The following NXN variants were observed in gnomAD, a reference collection of about 807,000 sequenced individuals.
NXN encodes the protein nucleoredoxin, also known as nucleoredoxin 1.
In NXN, 16 loss-of-function variants were observed where a neutral mutation model predicts 48.6. That is an observed-to-expected ratio of 0.33 (90% CI 0.22 to 0.50). The LOEUF (loss-of-function observed/expected upper bound fraction) is 0.50, where lower values mean the gene tolerates loss of function less well. Among genes scored for constraint, NXN ranks in the 20% least tolerant of loss-of-function variants. The pLI is 0.98. For synonymous variants in NXN, 281 were observed against 269.6 expected, an observed-to-expected ratio of 1.04 and a Z score of -0.41; for missense variants, 492 against 605.5, an observed-to-expected ratio of 0.81 and a Z score of 1.97.
intron 5 of NXN, among the ~76,000 whole-genome samples, chr17:815,384 C>A (rs544104103): frequency 1.3e-4 from 19 of 151,846 alleles, no homozygotes; most frequent in African/African-American, 4.6e-4. Flanking sequence ...GAGGCACTCA[C>A]AGTTCAGCTG....
intron 1 of NXN, among the ~76,000 whole-genome samples, chr17:874,070 A>T (rs1302782101): frequency 6.6e-6 from 1 of 152,164 alleles, no homozygotes; most frequent in East Asian, 1.9e-4. Flanking sequence ...ATGGTCATTG[A>T]ATCATGGGAG....
intron 1 of NXN, among the ~76,000 whole-genome samples, chr17:841,433 G>GTCCCCCCGACCACGGCGCATCTCACACCC (rs1567827465): frequency 2.0e-5 from 1 of 51,216 alleles, no homozygotes; most frequent in African/African-American, 8.0e-5. Flanking sequence ...ATCTCACACG[G>GTCCCCCCGACCACGGCGCATCTCACACCC]GCGAGCAGGT....
chr17:886,365 G>A (rs753259608), intron 1 of NXN, among the ~76,000 whole-genome samples: 4 of 152,148 alleles, frequency 2.6e-5, no homozygotes, highest in Non-Finnish European at 4.4e-5. Flanking sequence ...TGCTCTTACC[G>A]AGCCAGAGGG....
chr17:801,566 C>T (rs914832887), intron 7 of NXN, among the ~76,000 whole-genome samples: 8 of 150,850 alleles, frequency 5.3e-5, no homozygotes, highest in African/African-American at 1.9e-4. Context: ...CTGCCTCAGC[C>T]TCCTGAGTAG....
intron 1 of NXN, among the ~76,000 whole-genome samples, chr17:855,831 C>T (rs1479232694): frequency 6.6e-6 from 1 of 152,086 alleles, no homozygotes; most frequent in Non-Finnish European, 1.5e-5. Context: ...CAATCAAAAC[C>T]AGCAGAAAAT....
chr17:880,794 T>C (rs1489371900), intron 1 of NXN, among the ~76,000 whole-genome samples: 1 of 152,098 alleles, frequency 6.6e-6, no homozygotes, highest in Non-Finnish European at 1.5e-5. Flanking sequence ...AGCTTCCTTT[T>C]GGCCAAAAGA....
chr17:843,219 G>A (rs757768152), intron 1 of NXN, among the ~76,000 whole-genome samples: 8 of 152,226 alleles, frequency 5.3e-5, no homozygotes, highest in Admixed American at 2.0e-4. Context: ...AATGACGCCC[G>A]TTGGCTGCTG....
At chr17:889,761 A>AAGAAAGAAAGAAAGAGAAAG (rs1555619043) in intron 1 of NXN, among the ~76,000 whole-genome samples, 1 of 70,780 alleles carries the variant, frequency 1.4e-5, no homozygotes, top group Non-Finnish European at 2.8e-5. Flanking sequence ...GAAAGAAAGA[A>AAGAAAGAAAGAAAGAGAAAG]AAAGAAAGAA....
chr17:857,337 T>C (rs958405054), intron 1 of NXN, among the ~76,000 whole-genome samples: 5 of 152,146 alleles, frequency 3.3e-5, no homozygotes, highest in Non-Finnish European at 7.4e-5. Flanking sequence ...CTCAGCTCAC[T>C]GGAACCTCCG....
At chr17:883,271 C>T (rs918366489) in intron 1 of NXN, among the ~76,000 whole-genome samples, 6 of 152,268 alleles carry the variant, frequency 3.9e-5, no homozygotes, top group Non-Finnish European at 5.9e-5. Context: ...TGGGGGAAGA[C>T]GATGCTGACT....
At chr17:874,959 A>G (rs910583487) in intron 1 of NXN, among the ~76,000 whole-genome samples, 2 of 152,250 alleles carry the variant, frequency 1.3e-5, no homozygotes, top group Admixed American at 6.5e-5. Flanking sequence ...GTGCAATTAT[A>G]GAACACCATT....
At chr17:841,648 C>CAG in intron 1 of NXN, among the ~76,000 whole-genome samples, 1 of 136,558 alleles carries the variant, frequency 7.3e-6, no homozygotes, top group South Asian at 2.3e-4. Context: ...ACCCTGACCA[C>CAG]AGCGCATCTC....
chr17:897,027 G>A (rs1041097861), intron 1 of NXN: 125 of 1,094,764 alleles, frequency 1.1e-4, no homozygotes, highest in South Asian at 2.6e-4. Flanking sequence ...AAACTCCGGC[G>A]TGCCTAACAA....
At chr17:806,799 G>A (rs368374523) in intron 5 of NXN, among the ~76,000 whole-genome samples, 45 of 152,208 alleles carry the variant, frequency 3.0e-4, no homozygotes, top group African/African-American at 1.0e-3. Flanking sequence ...GCCTGCCTTC[G>A]AAAGGAATCA....
intron 4 of NXN, 48 bp from the exon 5 acceptor site, chr17:819,593 C>T: frequency 7.6e-7 from 1 of 1,321,832 alleles, no homozygotes; most frequent in Non-Finnish European, 1.1e-6. Context: ...CCCCACTGCA[C>T]CAACGCTGAA....
intron 1 of NXN, among the ~76,000 whole-genome samples, chr17:859,284 T>C (rs1485906488): frequency 6.6e-6 from 1 of 152,180 alleles, no homozygotes; most frequent in African/African-American, 2.4e-5. Flanking sequence ...CGTTTGGAAG[T>C]GGAATAAAGA....
chr17:833,709 T>C (rs140753409), intron 1 of NXN, among the ~76,000 whole-genome samples: 6 of 152,262 alleles, frequency 3.9e-5, no homozygotes, highest in Admixed American at 2.0e-4. Context: ...ACGGGAGGTC[T>C]ACAGACCCCA....
At position 876,514 on chromosome 17, in the gene NXN, C is replaced by T. The variant is rs547332660; in HGVS notation, c.361-50436G>A. Reference sequence around the variant, plus strand: ...CTTTGCTCTAAGCGTGTTTCATGTACGTCTCCCCATCAATGAAGAAAGCAC... The same window carrying T: ...CTTTGCTCTAAGCGTGTTTCATGTATGTCTCCCCATCAATGAAGAAAGCAC... On this transcript the variant is annotated intron_variant, in intron 1 of 7. Coordinates refer to ENST00000336868, the MANE Select transcript of NXN (RefSeq NM_022463.5). 3.3e-5 allele frequency among the ~76,000 whole-genome samples: 5 copies of T among 152,284 alleles called. No homozygotes were observed. The East Asian group carries it at 5.8e-4, about 18-fold the overall frequency.
intron 5 of NXN, 48 bp from the exon 6 acceptor site, chr17:805,295 C>G: frequency 6.4e-7 from 1 of 1,558,048 alleles, no homozygotes; most frequent in South Asian, 1.2e-5. Flanking sequence ...AGATGCTGGC[C>G]CTGCCTGGCA....
Sources: allele counts gnomAD v4.1 joint callset (sites outside exome capture counted in the v4.1 genomes callset), GRCh38; gene constraint gnomAD v4.1.1; transcripts MANE v1.5; gene names NCBI Gene and HGNC (gene_info 2026-07-23, HGNC 2026-07-21).